The following THSD4 variants were observed in gnomAD, a reference collection of about 807,000 sequenced individuals.
THSD4 encodes the protein thrombospondin type-1 domain-containing protein 4.
Under a neutral mutation model 119.0 loss-of-function variants are expected in THSD4, and 69 were observed. The observed-to-expected ratio is 0.58, with a 90% confidence interval of 0.48 to 0.71. The LOEUF (loss-of-function observed/expected upper bound fraction) is 0.71. THSD4 is among the 30% of genes least tolerant of loss of function. The pLI is 0.00. For missense variants in THSD4, 1,393 were observed against 1,391.1 expected (o/e 1.00, Z -0.02); for synonymous variants, 524 against 540.4 (o/e 0.97, Z 0.42).
intron 7 of THSD4, among the ~76,000 whole-genome samples, chr15:71,530,339 C>A (rs1292773167): frequency 2.0e-5 from 3 of 152,074 alleles, no homozygotes; most frequent in African/African-American, 7.2e-5. Flanking sequence ...TATGGTGCTG[C>A]CACACTTCTT....
intron 6 of THSD4, among the ~76,000 whole-genome samples, chr15:71,350,882 C>CAGGA (rs1302215031): frequency 3.3e-5 from 5 of 152,198 alleles, no homozygotes; most frequent in Non-Finnish European, 5.9e-5. Context: ...GTTGGTAACT[C>CAGGA]TCCTAAGAAA....
intron 7 of THSD4, among the ~76,000 whole-genome samples, chr15:71,595,260 T>C (rs1173236941): frequency 6.6e-6 from 1 of 152,206 alleles, no homozygotes; most frequent in Non-Finnish European, 1.5e-5. Context: ...AAGCTTTGGC[T>C]GTGTCCCCAT....
intron 7 of THSD4, among the ~76,000 whole-genome samples, chr15:71,624,506 T>G (rs557643999): frequency 5.4e-4 from 82 of 152,278 alleles, no homozygotes; most frequent in African/African-American, 1.8e-3. Flanking sequence ...TGCCATGGAG[T>G]GACAGCCTTA....
intron 7 of THSD4, among the ~76,000 whole-genome samples, chr15:71,543,007 G>T (rs1388485864): frequency 1.3e-5 from 2 of 152,058 alleles, no homozygotes; most frequent in Admixed American, 1.3e-4. Flanking sequence ...GACCAGGAGA[G>T]ACCACAGAAA....
chr15:71,762,178 C>CACACACACACACACAG (rs55645600), intron 15 of THSD4, among the ~76,000 whole-genome samples: 1 of 147,498 alleles, frequency 6.8e-6, no homozygotes, highest in African/African-American at 2.5e-5. Context: ...CACACACACA[C>CACACACACACACACAG]AGAGATAGAG....
intron 7 of THSD4, among the ~76,000 whole-genome samples, chr15:71,452,252 ACT>A (rs772620302): frequency 2.6e-5 from 4 of 151,960 alleles, no homozygotes; most frequent in Non-Finnish European, 4.4e-5. Context: ...TGCTGGGGTC[ACT>A]CTGCAAGGTG....
intron 6 of THSD4, among the ~76,000 whole-genome samples, chr15:71,320,761 T>G (rs916281982): frequency 2.0e-5 from 3 of 152,320 alleles, no homozygotes; most frequent in Middle Eastern, 3.4e-3. Context: ...AATCCTAGAA[T>G]GAGAAAGTCA....
chr15:71,564,473 G>A (rs907847559), intron 7 of THSD4, among the ~76,000 whole-genome samples: 6 of 152,120 alleles, frequency 3.9e-5, no homozygotes, highest in African/African-American at 1.4e-4. Context: ...GAAGGGGAGG[G>A]AGGTAAACTT....
intron 7 of THSD4, among the ~76,000 whole-genome samples, chr15:71,459,715 C>A (rs1470186381): frequency 6.6e-6 from 1 of 152,016 alleles, no homozygotes; most frequent in East Asian, 1.9e-4. Flanking sequence ...TATATATAAA[C>A]TAAAAAGTTA....
chr15:71,351,906 A>G (rs2045748397), intron 6 of THSD4, among the ~76,000 whole-genome samples: 1 of 152,164 alleles, frequency 6.6e-6, no homozygotes, highest in African/African-American at 2.4e-5. Flanking sequence ...CCTTCTCTGC[A>G]TTTAGGAAAC....
At chr15:71,743,961 G>T (rs1482207566) in intron 11 of THSD4, among the ~76,000 whole-genome samples, 1 of 152,192 alleles carries the variant, frequency 6.6e-6, no homozygotes, top group Non-Finnish European at 1.5e-5. Context: ...ATAAAGTATA[G>T]TGTTCTTCCC....
intron 7 of THSD4, among the ~76,000 whole-genome samples, chr15:71,642,052 C>T (rs1297340672): frequency 6.6e-6 from 1 of 152,052 alleles, no homozygotes; most frequent in Admixed American, 6.6e-5. Context: ...AGCAATGGAC[C>T]GTACACAGAG....
chr15:71,642,587 T>C (rs2050881831), intron 7 of THSD4, among the ~76,000 whole-genome samples: 1 of 152,182 alleles, frequency 6.6e-6, no homozygotes, highest in Admixed American at 6.5e-5. Context: ...TAAGAAAGTG[T>C]GGCACATATA....
At chr15:71,318,624 G>A (rs967415969) in intron 6 of THSD4, among the ~76,000 whole-genome samples, 1 of 152,182 alleles carries the variant, frequency 6.6e-6, no homozygotes, top group Non-Finnish European at 1.5e-5. Context: ...CAAACCAGGG[G>A]CCTGTAGCTG....
At chr15:71,239,265 C>T (rs2044131922) in intron 4 of THSD4, among the ~76,000 whole-genome samples, 1 of 152,142 alleles carries the variant, frequency 6.6e-6, no homozygotes, top group Non-Finnish European at 1.5e-5. Flanking sequence ...TCTTAGGGTG[C>T]AACATTTAAG....
chr15:71,284,489 A>G (rs2044693096), intron 6 of THSD4, among the ~76,000 whole-genome samples: 1 of 152,240 alleles, frequency 6.6e-6, no homozygotes, highest in African/African-American at 2.4e-5. Context: ...GAATTTCGGT[A>G]GGTATTTCTT....
At position 71,458,898 on chromosome 15, in the gene THSD4, A is replaced by G. The variant is rs982548632; in HGVS notation, c.1152+47075A>G. 1.1e-4 allele frequency among the ~76,000 whole-genome samples: 17 copies of G among 152,138 alleles called. 1 individual carries two copies. The highest frequency in any genetic ancestry group is 9.8e-4 in the Admixed American group (15 of 15,270). ...AAAAACAAAAACTTATTTACCCTTT[A>G]AAAACCTTGACTCTGTGATTCATTT... On this transcript the variant is annotated intron_variant, in intron 7 of 17. Transcript: ENST00000261862.
intron 11 of THSD4, among the ~76,000 whole-genome samples, chr15:71,738,632 T>C (rs562516338): frequency 6.6e-6 from 1 of 152,230 alleles, no homozygotes; most frequent in African/African-American, 2.4e-5. Context: ...TCCAGCAGAG[T>C]CACACAGGGA....
chr15:71,235,585 T>C (rs12905501), intron 4 of THSD4, among the ~76,000 whole-genome samples: 878 of 23,088 alleles, frequency 0.038, 8 homozygotes, highest in African/African-American at 0.068. Flanking sequence ...ACCTCTCTCT[T>C]TTTTTTTTTT....
Sources: allele counts gnomAD v4.1 joint callset (sites outside exome capture counted in the v4.1 genomes callset), GRCh38; gene constraint gnomAD v4.1.1; transcripts MANE v1.5; gene names NCBI Gene and HGNC (gene_info 2026-07-23, HGNC 2026-07-21).